The following SNX29 variants were observed in gnomAD, a reference collection of about 807,000 sequenced individuals.
The protein encoded by SNX29 is sorting nexin-29.
In SNX29, 78 loss-of-function variants were observed where a neutral mutation model predicts 102.1. The observed-to-expected ratio is 0.76, with a 90% confidence interval of 0.64 to 0.92. The LOEUF (loss-of-function observed/expected upper bound fraction) is 0.92. Among genes scored for constraint, SNX29 ranks in the 40% least tolerant of loss-of-function variants. The probability of loss-of-function intolerance (pLI) is 0.00; values close to 1 mark genes in which losing one functional copy is unlikely to be tolerated. For synonymous variants in SNX29, 580 were observed against 414.5 expected, an observed-to-expected ratio of 1.40 and a Z score of -4.85; for missense variants, 1,280 against 1,061.7, an observed-to-expected ratio of 1.21 and a Z score of -2.86.
At chr16:12,524,513 T>C (rs528309548) in intron 19 of SNX29, among the ~76,000 whole-genome samples, 189 bp from the exon 20 acceptor site, 4 of 150,540 alleles carry the variant, frequency 2.7e-5, no homozygotes, top group Non-Finnish European at 4.4e-5. Context: ...AATAATAATA[T>C]CGTGAGCATC....
chr16:12,265,202 C>G (rs2078889867), intron 14 of SNX29, among the ~76,000 whole-genome samples: 1 of 152,162 alleles, frequency 6.6e-6, no homozygotes, highest in African/African-American at 2.4e-5. Context: ...ATCACTCTGT[C>G]TGGCACAGCT....
At chr16:12,038,125 C>T (rs2057527083) in intron 4 of SNX29, among the ~76,000 whole-genome samples, 1 of 152,174 alleles carries the variant, frequency 6.6e-6, no homozygotes, top group South Asian at 2.1e-4. Context: ...TTATTCACTG[C>T]ATTTATTGGA....
chr16:12,259,117 A>G (rs1450031966), intron 14 of SNX29, among the ~76,000 whole-genome samples: 3 of 151,970 alleles, frequency 2.0e-5, no homozygotes, highest in Non-Finnish European at 4.4e-5. Context: ...CCTAGACATA[A>G]TTAAGATTTT....
At chr16:12,080,646 C>G (rs538560675) in intron 11 of SNX29, among the ~76,000 whole-genome samples, 2 of 151,840 alleles carry the variant, frequency 1.3e-5, no homozygotes, top group Non-Finnish European at 2.9e-5. Flanking sequence ...TTCCAAAGCG[C>G]TGGGATGACA....
In SNX29 at chr16:12,005,054, A is replaced by G. The variant is rs527328566; in HGVS notation, c.122+2011A>G. Among the ~76,000 whole-genome samples the G allele has an allele frequency of 2.6e-5, 4 of 152,332 alleles. No homozygotes were observed. The South Asian group carries it at 8.3e-4, about 32-fold the overall frequency. On this transcript the variant is annotated intron_variant, in intron 3 of 20. Coordinates refer to ENST00000566228, the MANE Select transcript of SNX29 (RefSeq NM_032167.5). The stretch of plus-strand genomic sequence containing the variant: ...TTGTACTGTAGTCAAGCATTTAAAT[A>G]TGTGTGCCACCACGAAGCCTGTAAG...
chr16:12,273,428 G>C (rs1203949144), intron 14 of SNX29, among the ~76,000 whole-genome samples: 1 of 149,814 alleles, frequency 6.7e-6, no homozygotes, highest in Admixed American at 6.7e-5. Context: ...GTGGGATCTC[G>C]GCTCACTGCA....
intron 18 of SNX29, among the ~76,000 whole-genome samples, chr16:12,447,910 G>A (rs1187380965): frequency 6.6e-6 from 1 of 152,066 alleles, no homozygotes; most frequent in African/African-American, 2.4e-5. Flanking sequence ...ACTAGGGAAG[G>A]GCTTTTATCC....
intron 13 of SNX29, among the ~76,000 whole-genome samples, chr16:12,185,443 C>T (rs888434043): frequency 6.6e-6 from 1 of 152,126 alleles, no homozygotes; most frequent in Non-Finnish European, 1.5e-5. Context: ...TAAAAGCCAC[C>T]TTCTTTCCCT....
intron 11 of SNX29, among the ~76,000 whole-genome samples, chr16:12,115,485 T>TGTGTG (rs2053658092): frequency 7.0e-6 from 1 of 141,858 alleles, no homozygotes; most frequent in African/African-American, 2.7e-5. Context: ...CCACCTTGAT[T>TGTGTG]TGTGTGTGTG....
chr16:12,332,667 C>T (rs1352804985), intron 15 of SNX29, among the ~76,000 whole-genome samples: 2 of 152,132 alleles, frequency 1.3e-5, no homozygotes, highest in East Asian at 3.9e-4. Context: ...TCCAGGTCCA[C>T]CTGCATCCCA....
chr16:12,069,127 G>A lies in SNX29; in HGVS notation c.1314G>A (p.Arg438=). 1.2e-6 allele frequency: 2 copies of A among 1,613,184 alleles called. No homozygotes were observed. The highest frequency in any genetic ancestry group is 1.7e-6 in the Non-Finnish European group (2 of 1,179,404). ...ACGTTCTCCCAGATCCTGGACTTCGGTACAGGTTAATATTGAGAAACCCAG... is the reference window on the plus strand; with the variant it reads ...ACGTTCTCCCAGATCCTGGACTTCGATACAGGTTAATATTGAGAAACCCAG... ...EDHVLPDPGL[R]YSVEASSPGH... Residue 438 remains arginine (R), a synonymous_variant, in exon 10 of 21, where the codon CGG becomes CGA. Coordinates refer to ENST00000566228, the MANE Select transcript of SNX29 (RefSeq NM_032167.5).
intron 2 of SNX29, among the ~76,000 whole-genome samples, chr16:12,002,579 C>T (rs1356691430): frequency 6.6e-6 from 1 of 152,232 alleles, no homozygotes; most frequent in East Asian, 1.9e-4. Flanking sequence ...CATGACAACT[C>T]TGGGGCTCGT....
chr16:12,547,769 A>T (rs868491007), intron 20 of SNX29, among the ~76,000 whole-genome samples: 1 of 152,140 alleles, frequency 6.6e-6, no homozygotes, highest in African/African-American at 2.4e-5. Context: ...GCAGCTGCTC[A>T]CACTTGCCTG....
chr16:12,206,173 G>A (rs1164660746), intron 14 of SNX29, among the ~76,000 whole-genome samples: 3 of 152,274 alleles, frequency 2.0e-5, no homozygotes, highest in Admixed American at 6.5e-5. Flanking sequence ...GTCATTCAGA[G>A]CTCTTGTGAT....
At chr16:12,398,924 C>G (rs2083829494) in intron 17 of SNX29, among the ~76,000 whole-genome samples, 1 of 152,158 alleles carries the variant, frequency 6.6e-6, no homozygotes, top group Non-Finnish European at 1.5e-5. Flanking sequence ...CGACTTCACT[C>G]ATTTTATGAT....
chr16:12,489,807 G>A (rs193246238), intron 19 of SNX29, among the ~76,000 whole-genome samples: 5 of 151,944 alleles, frequency 3.3e-5, no homozygotes, highest in African/African-American at 1.2e-4. Flanking sequence ...GTGGGTTTTG[G>A]CTTTTTCTTT....
intron 11 of SNX29, among the ~76,000 whole-genome samples, chr16:12,083,246 C>T (rs1408566444): frequency 2.0e-5 from 3 of 150,110 alleles, no homozygotes; most frequent in Non-Finnish European, 4.4e-5. Flanking sequence ...GCAAAGGCTG[C>T]AGTGAGCTGA....
chr16:12,232,163 G>A (rs759283191), intron 14 of SNX29, among the ~76,000 whole-genome samples: 21 of 152,264 alleles, frequency 1.4e-4, no homozygotes, highest in South Asian at 4.1e-4. Flanking sequence ...TCTGTTTGAG[G>A]ATACTTTAAA....
chr16:12,096,845 T>G lies in SNX29; in HGVS notation c.1402+17930T>G, dbSNP rs890791227. Among the ~76,000 whole-genome samples the G allele has an allele frequency of 8.5e-5, 13 of 152,218 alleles. No homozygotes were observed. The highest frequency in any genetic ancestry group is 1.5e-5 in the Non-Finnish European group (1 of 68,028). On this transcript the variant is annotated intron_variant, in intron 11 of 20. Transcript: ENST00000566228. The surrounding 1 kb of genome is among the most constrained non-coding windows in gnomAD (Gnocchi z 4.2). ...CTGGTCACTCATATAGACCCTGGAT[T>G]CCTTGCTCCCAGGAGGGGAAGGAGG...
Sources: allele counts gnomAD v4.1 joint callset (sites outside exome capture counted in the v4.1 genomes callset), GRCh38; gene constraint gnomAD v4.1.1; non-coding constraint Gnocchi (gnomAD v3.1); transcripts MANE v1.5; gene names NCBI Gene and HGNC (gene_info 2026-07-23, HGNC 2026-07-21).